The following DHRSX variants were observed in gnomAD, a reference collection of about 807,000 sequenced individuals.
The protein encoded by DHRSX is polyprenol dehydrogenase.
In DHRSX, 31 loss-of-function variants were observed where a neutral mutation model predicts 34.0. The ratio of observed to expected loss-of-function variants is 0.91; its 90% confidence interval spans 0.69 to 1.23. DHRSX has a LOEUF of 1.23. Ranked by LOEUF, DHRSX falls within the 50% of genes most tolerant of loss-of-function variation. The pLI, the probability that DHRSX is intolerant of heterozygous loss-of-function variation, is 0.00. For missense variants in DHRSX, 414 were observed against 428.1 expected, an observed-to-expected ratio of 0.97 and a Z score of 0.29; for synonymous variants, 201 against 183.8, an observed-to-expected ratio of 1.09 and a Z score of -0.76.
In DHRSX at chrX:2,275,836, TAA is replaced by T. The variant is rs1167117232; in HGVS notation, c.389-8891_389-8890del. Among the ~76,000 whole-genome samples the T allele has an allele frequency of 3.1e-3, 444 of 142,596 alleles. 1 individual carries two copies. Among genetic ancestry groups the T allele is most frequent in the African/African-American group, 0.01 (406 of 40,166 alleles). The allele number at this position is 142,596 out of a possible 152,430, so 93.5% of individuals were successfully genotyped here. Reference sequence around the variant, plus strand: ...AATAAAATAATAATTTGCCTTTTTTTAAAAATTTTAATTTAATTTTATTTTTG... The same window carrying T: ...AATAAAATAATAATTTGCCTTTTTTTAAATTTTAATTTAATTTTATTTTTG... On this transcript the variant is annotated intron_variant, in intron 4 of 6. Transcript: ENST00000334651.
intron 1 of DHRSX, among the ~76,000 whole-genome samples, chrX:2,443,899 G>A (rs1380573949): frequency 3.9e-5 from 6 of 152,038 alleles, no homozygotes; most frequent in Non-Finnish European, 8.8e-5. Context: ...CCAGCTACTC[G>A]GGAGGCTGAG....
At chrX:2,309,277 CAA>C (rs953980551) in intron 3 of DHRSX, among the ~76,000 whole-genome samples, 9 of 151,830 alleles carry the variant, frequency 5.9e-5, no homozygotes, top group Admixed American at 2.6e-4. Flanking sequence ...ACTGGTTGGA[CAA>C]AAAGAGTCTG....
intron 3 of DHRSX, among the ~76,000 whole-genome samples, chrX:2,291,947 C>G (rs2041872165): frequency 7.1e-6 from 1 of 141,368 alleles, no homozygotes; most frequent in Non-Finnish European, 1.5e-5. Flanking sequence ...ACCATGTTGG[C>G]CAGGCTGGTC....
intron 3 of DHRSX, among the ~76,000 whole-genome samples, chrX:2,303,428 T>C (rs2042037740): frequency 6.6e-6 from 1 of 152,048 alleles, no homozygotes. Flanking sequence ...GATCTGGTTG[T>C]TTAAAAGTGC....
intron 1 of DHRSX, among the ~76,000 whole-genome samples, chrX:2,483,863 A>G (rs1241688369): frequency 1.3e-5 from 2 of 151,852 alleles, no homozygotes; most frequent in African/African-American, 4.8e-5. Flanking sequence ...CACCAAGAAC[A>G]GTGTTTACAT....
intron 6 of DHRSX, among the ~76,000 whole-genome samples, chrX:2,231,851 CCTCT>C (rs2015894567): frequency 6.8e-6 from 1 of 148,140 alleles, no homozygotes; most frequent in East Asian, 2.0e-4. Context: ...TCATTTTCTC[CCTCT>C]TCTTCCTCCT....
chrX:2,464,752 C>T (rs1375036323), intron 1 of DHRSX, among the ~76,000 whole-genome samples: 1 of 150,430 alleles, frequency 6.6e-6, no homozygotes, highest in Non-Finnish European at 1.5e-5. Context: ...ACCTTATACA[C>T]ACTGAAGACG....
chrX:2,350,934 CATGG>C (rs1471059922), intron 3 of DHRSX, among the ~76,000 whole-genome samples: 1 of 152,086 alleles, frequency 6.6e-6, no homozygotes, highest in Non-Finnish European at 1.5e-5. Context: ...TCTGCAGGGA[CATGG>C]ATGAAGCTGG....
intron 5 of DHRSX, among the ~76,000 whole-genome samples, chrX:2,246,690 AAAGAAAAGAAAGAAAG>A: frequency 7.5e-6 from 1 of 133,318 alleles, no homozygotes; most frequent in Non-Finnish European, 1.6e-5. Flanking sequence ...AAGAAAAAGA[AAAGAAAAGAAAGAAAG>A]AGAAAGAAAG....
chrX:2,328,977 T>A (rs1458916137), intron 3 of DHRSX, among the ~76,000 whole-genome samples: 2 of 152,266 alleles, frequency 1.3e-5, no homozygotes, highest in South Asian at 4.1e-4. Context: ...GAGGATGAGT[T>A]CTACTCGGGG....
rs1193516717 is a variant in DHRSX, at chrX:2,266,821, G to A, written c.515C>T (p.Pro172Leu). 4 of 1,613,848 alleles carry A rather than the reference G, an allele frequency of 2.5e-6. No individual in the cohort carries two copies. Among genetic ancestry groups the A allele is most frequent in the African/African-American group, 2.7e-5 (2 of 74,920 alleles). Reference protein sequence around the residue: ...LLDTLKESGSPGHSARVVTVS... With the variant: ...LLDTLKESGSLGHSARVVTVS... ...GGTGACCACCCTCGCACTGTGGCCA[G>A]GGGACCCAGACTCTTTCAGCGTATC... Residue 172 changes from proline (P) to leucine (L), a missense_variant, in exon 5 of 7, where the codon CCT (proline) becomes CTT (leucine). Pro to Leu is a moderately conservative substitution (Grantham distance 98). Coordinates refer to ENST00000334651, the MANE Select transcript of DHRSX (RefSeq NM_145177.3).
chrX:2,347,149 A>G (rs1250143039), intron 3 of DHRSX, among the ~76,000 whole-genome samples: 1 of 152,202 alleles, frequency 6.6e-6, no homozygotes, highest in Non-Finnish European at 1.5e-5. Context: ...TTTAGAAAAG[A>G]AAGGTTTAAC....
intron 3 of DHRSX, among the ~76,000 whole-genome samples, chrX:2,303,829 GTGGATGGA>G (rs1410450706): frequency 1.9e-4 from 13 of 68,830 alleles, no homozygotes; most frequent in East Asian, 1.4e-3. Flanking sequence ...GGATGGGTGG[GTGGATGGA>G]TGGATGGATG....
At chrX:2,431,110 G>A (rs1479268499) in intron 1 of DHRSX, among the ~76,000 whole-genome samples, 1 of 151,784 alleles carries the variant, frequency 6.6e-6, no homozygotes, top group Non-Finnish European at 1.5e-5. Context: ...TGGATCACGA[G>A]GTCAGGAGAT....
At chrX:2,465,026 A>T (rs996545875) in intron 1 of DHRSX, among the ~76,000 whole-genome samples, 1 of 151,914 alleles carries the variant, frequency 6.6e-6, no homozygotes, top group African/African-American at 2.4e-5. Flanking sequence ...CTAAGAATGC[A>T]GTCACAGGAT....
intron 6 of DHRSX, among the ~76,000 whole-genome samples, chrX:2,222,796 TCTG>T (rs1289729861): frequency 2.6e-5 from 4 of 152,132 alleles, no homozygotes; most frequent in Non-Finnish European, 5.9e-5. Context: ...CTTCAGAAAT[TCTG>T]CTGCTGTCAG....
intron 2 of DHRSX, among the ~76,000 whole-genome samples, chrX:2,419,825 G>A (rs932992531): frequency 1.4e-4 from 18 of 128,384 alleles, no homozygotes; most frequent in Admixed American, 5.7e-4. Flanking sequence ...TTGTGGGGTG[G>A]GGGGAGGGGG....
chrX:2,363,257 T>A lies in DHRSX; in HGVS notation c.286+45488A>T, dbSNP rs181418756. Reference sequence around the variant, plus strand: ...GCCATTTTATCACCTTTCTATGGTATCATGCTGCCATTTTATCACCGTTCT... The same window carrying A: ...GCCATTTTATCACCTTTCTATGGTAACATGCTGCCATTTTATCACCGTTCT... On this transcript the variant is annotated intron_variant, in intron 3 of 6. Coordinates refer to ENST00000334651, the MANE Select transcript of DHRSX (RefSeq NM_145177.3). Among the ~76,000 whole-genome samples the A allele has an allele frequency of 4.6e-4, 62 of 135,780 alleles. 4 individuals are homozygous for A. The highest frequency in any genetic ancestry group is 1.6e-3 in the African/African-American group (57 of 36,106). The allele number at this position is 135,780 out of a possible 152,430, so 89.1% of individuals were successfully genotyped here.
intron 3 of DHRSX, among the ~76,000 whole-genome samples, chrX:2,346,488 T>G (rs1339428669): frequency 2.0e-5 from 3 of 152,056 alleles, no homozygotes; most frequent in Non-Finnish European, 4.4e-5. Flanking sequence ...TTGAAGCTGC[T>G]GTCAAGCTCA....
Sources: gnomAD v4.1 joint callset for allele counts (sites outside exome capture counted in the v4.1 genomes callset) on GRCh38, gnomAD v4.1.1 for gene constraint, MANE v1.5 for transcripts, NCBI Gene and HGNC (gene_info 2026-07-23, HGNC 2026-07-21) for gene names.